ZMAT4: variants seen among roughly 807,000 people sequenced by gnomAD.
ZMAT4 encodes the protein zinc finger matrin-type protein 4.
Under a neutral mutation model 28.7 loss-of-function variants are expected in ZMAT4, and 17 were observed. The ratio of observed to expected loss-of-function variants is 0.59; its 90% CI spans 0.41 to 0.89. ZMAT4 has a LOEUF of 0.89. ZMAT4 is among the 40% of genes least tolerant of loss of function. ZMAT4 has a pLI of 0.00. For synonymous variants in ZMAT4, 117 were observed against 109.2 expected, an observed-to-expected ratio of 1.07 and a Z score of -0.44; for missense variants, 240 against 283.8, an observed-to-expected ratio of 0.85 and a Z score of 1.11.
intron 1 of ZMAT4, among the ~76,000 whole-genome samples, chr8:40,877,911 G>A (rs1818095209): frequency 6.6e-6 from 1 of 152,132 alleles, no homozygotes; most frequent in Non-Finnish European, 1.5e-5. Context: ...AGCAGGGAGA[G>A]GGAACCCAAG....
At chr8:40,874,895 T>A (rs536645281) in intron 1 of ZMAT4, among the ~76,000 whole-genome samples, 1 of 152,282 alleles carries the variant, frequency 6.6e-6, no homozygotes, top group Non-Finnish European at 1.5e-5. Flanking sequence ...CAGAATTCAA[T>A]GGAAGAAAAA....
chr8:40,758,138 C>T (rs6988685), intron 3 of ZMAT4, among the ~76,000 whole-genome samples: 18,737 of 152,058 alleles, frequency 0.12, 1,639 homozygotes, highest in East Asian at 0.38. Flanking sequence ...TTGGATCTCA[C>T]CTTGTGATCG....
At chr8:40,888,033 A>G (rs74416776) in intron 1 of ZMAT4, among the ~76,000 whole-genome samples, 7,427 of 152,050 alleles carry the variant, frequency 0.049, 252 homozygotes, top group Non-Finnish European at 0.069. Context: ...GCCTCCATGA[A>G]TCCTGTGAGT....
intron 5 of ZMAT4, among the ~76,000 whole-genome samples, chr8:40,637,383 C>T (rs1806834353): frequency 1.3e-5 from 2 of 152,274 alleles, no homozygotes; most frequent in African/African-American, 4.8e-5. Flanking sequence ...CTTGAAGAGG[C>T]TGACATCCCA....
At chr8:40,696,423 C>T (rs762653551) in intron 4 of ZMAT4, among the ~76,000 whole-genome samples, 8 of 152,160 alleles carry the variant, frequency 5.3e-5, no homozygotes, top group Non-Finnish European at 8.8e-5. Flanking sequence ...AAATTTTAAT[C>T]GCATGGAAAG....
At chr8:40,799,848 A>G (rs1001829762) in intron 2 of ZMAT4, among the ~76,000 whole-genome samples, 18 of 152,328 alleles carry the variant, frequency 1.2e-4, no homozygotes, top group Admixed American at 1.2e-3. Context: ...ATGAAGGGGT[A>G]TAGTGCTATT....
At chr8:40,648,312 G>A (rs1807448956) in intron 5 of ZMAT4, among the ~76,000 whole-genome samples, 1 of 151,352 alleles carries the variant, frequency 6.6e-6, no homozygotes, top group Non-Finnish European at 1.5e-5. Context: ...TCAACTGGAA[G>A]AAAGGGTATC....
At chr8:40,695,309 G>C (rs1809831613) in intron 4 of ZMAT4, among the ~76,000 whole-genome samples, 2 of 152,332 alleles carry the variant, frequency 1.3e-5, no homozygotes, top group South Asian at 2.1e-4. Context: ...CAAGCCAGGA[G>C]CCAGTTTAGC....
chr8:40,700,407 TTTTC>T lies in ZMAT4; in HGVS notation c.193-3010_193-3007del, dbSNP rs1358370819. Among the ~76,000 whole-genome samples the T allele has an allele frequency of 3.4e-4, 30 of 89,466 alleles. 1 individual carries two copies. Among genetic ancestry groups the T allele is most frequent in the African/African-American group, 8.9e-4 (20 of 22,456 alleles). 58.7% of individuals were successfully genotyped at this position (89,466 alleles called of 152,430 possible). A position where few individuals can be genotyped will look rare whatever the true frequency, so the allele number is the denominator to read the frequency against. ...CACTTCCTTGAGGGGAAGCTGCTGC[TTTTC>T]TTTTTTTTTTTTTTTTTTTTTTTGG... is the stretch of plus-strand genomic sequence containing the variant. On this transcript the variant is annotated intron_variant, in intron 3 of 6. Transcript: ENST00000297737.
chr8:40,669,303 G>C (rs1563400280), intron 5 of ZMAT4, among the ~76,000 whole-genome samples: 2 of 152,174 alleles, frequency 1.3e-5, no homozygotes, highest in Admixed American at 6.5e-5. Flanking sequence ...TTTATGACAT[G>C]GGCCCTTATA....
At chr8:40,570,916 C>G (rs546076875) in intron 6 of ZMAT4, among the ~76,000 whole-genome samples, 2 of 152,070 alleles carry the variant, frequency 1.3e-5, no homozygotes, top group Admixed American at 1.3e-4. Flanking sequence ...AGAACCACAT[C>G]GGGTAATGAC....
chr8:40,746,326 C>CT, intron 3 of ZMAT4, among the ~76,000 whole-genome samples: 1 of 130,926 alleles, frequency 7.6e-6, no homozygotes, highest in South Asian at 2.7e-4. Context: ...CTTTCCTTTC[C>CT]TTTCCTTTCC....
intron 6 of ZMAT4, among the ~76,000 whole-genome samples, chr8:40,561,825 T>C (rs911879448): frequency 6.6e-6 from 1 of 152,180 alleles, no homozygotes; most frequent in African/African-American, 2.4e-5. Context: ...GTATTTTATG[T>C]ATGGCCCAAG....
chr8:40,739,753 C>T (rs1721101779), intron 3 of ZMAT4, among the ~76,000 whole-genome samples: 1 of 152,082 alleles, frequency 6.6e-6, no homozygotes, highest in Non-Finnish European at 1.5e-5. Context: ...AGGTTTTAAG[C>T]CCAGCATGCA....
At chr8:40,592,474 C>T (rs1804929761) in intron 5 of ZMAT4, among the ~76,000 whole-genome samples, 2 of 152,152 alleles carry the variant, frequency 1.3e-5, no homozygotes, top group South Asian at 2.1e-4. Context: ...ACCAAACAGT[C>T]GATTAAACAA....
Position 40,678,466 on chromosome 8 carries a change from C to A in ZMAT4, c.350-3535G>T, listed in dbSNP as rs1248037673. Reference sequence around the variant, plus strand: ...GGCCATGACCAGAATGGTGTGCTGACCTGTACCAGGCTCTCCACATAGCCG... The same window carrying A: ...GGCCATGACCAGAATGGTGTGCTGAACTGTACCAGGCTCTCCACATAGCCG... On this transcript the variant is annotated intron_variant, in intron 4 of 6. Coordinates refer to ENST00000297737, the MANE Select transcript of ZMAT4 (RefSeq NM_024645.3). Among the ~76,000 whole-genome samples the A allele has an allele frequency of 2.6e-5, 4 of 152,332 alleles. No homozygotes were observed. The East Asian group carries it at 7.7e-4, about 29-fold the overall frequency.
At chr8:40,598,895 G>A (rs1805195539) in intron 5 of ZMAT4, among the ~76,000 whole-genome samples, 1 of 152,162 alleles carries the variant, frequency 6.6e-6, no homozygotes, top group Non-Finnish European at 1.5e-5. Flanking sequence ...CAGTACGAAT[G>A]TCTGCTATTT....
At chr8:40,548,009 G>A (rs1803255419) in intron 6 of ZMAT4, among the ~76,000 whole-genome samples, 2 of 152,186 alleles carry the variant, frequency 1.3e-5, no homozygotes, top group Admixed American at 1.3e-4. Context: ...GTCAGGGGAA[G>A]AGCTGGCAGA....
chr8:40,815,780 TGAAGA>T (rs1443571280), intron 2 of ZMAT4, among the ~76,000 whole-genome samples: 2 of 152,166 alleles, frequency 1.3e-5, no homozygotes, highest in African/African-American at 4.8e-5. Flanking sequence ...TCAGGGGAAA[TGAAGA>T]GAAAAGTCTA....
Sources: gnomAD v4.1 joint callset for allele counts (sites outside exome capture counted in the v4.1 genomes callset) on GRCh38, gnomAD v4.1.1 for gene constraint, MANE v1.5 for transcripts, NCBI Gene and HGNC (gene_info 2026-07-23, HGNC 2026-07-21) for gene names.